Variants in NFATC1 observed in about 807,000 individuals in gnomAD.
The protein encoded by NFATC1 is nuclear factor of activated T cells 1.
Under a neutral mutation model 76.0 loss-of-function variants are expected in NFATC1, and 22 were observed. The ratio of observed to expected loss-of-function variants is 0.29; its 90% confidence interval spans 0.21 to 0.41. The LOEUF (loss-of-function observed/expected upper bound fraction) is 0.41. Among genes scored for constraint, NFATC1 ranks in the 10% least tolerant of loss-of-function variants. NFATC1 has a pLI of 1.00. For synonymous variants in NFATC1, 704 were observed against 613.1 expected (o/e 1.15, Z -2.19); for missense variants, 1,357 against 1,337.7 (o/e 1.01, Z -0.23).
chr18:79,477,502 G>T (rs2089121510), intron 8 of NFATC1, among the ~76,000 whole-genome samples: 1 of 152,224 alleles, frequency 6.6e-6, no homozygotes, highest in African/African-American at 2.4e-5. Flanking sequence ...GGCGGAAGAA[G>T]GGGGTCCGGG....
Position 79,433,533 on chromosome 18 carries a change from AG to A in NFATC1, c.1227-44del, listed in dbSNP as rs748514108. On this transcript the variant is annotated intron_variant, in intron 2 of 9. Coordinates refer to ENST00000427363, the MANE Select transcript of NFATC1 (RefSeq NM_001278669.2). ...AGCACGGGCACGTGTGGCCCGGGCG[AG>A]GTCTGTGTGGTGCTGAACGCCTCCT... 25 of 1,610,444 alleles carry A rather than the reference AG, an allele frequency of 1.6e-5. No individual in the cohort carries two copies. The East Asian group carries it at 5.4e-4, about 34-fold the overall frequency.
chr18:79,474,973 TAAACC>T (rs1488319519), intron 8 of NFATC1, among the ~76,000 whole-genome samples: 9 of 129,760 alleles, frequency 6.9e-5, no homozygotes, highest in African/African-American at 2.8e-4. Flanking sequence ...ACTGTCGACG[TAAACC>T]TGAGGGAAGC....
chr18:79,439,185 A>G (rs577163546), intron 3 of NFATC1, among the ~76,000 whole-genome samples: 1 of 152,274 alleles, frequency 6.6e-6, no homozygotes, highest in Non-Finnish European at 1.5e-5. Context: ...GGTTTGCCAC[A>G]CACAGGAGCT....
intron 2 of NFATC1, among the ~76,000 whole-genome samples, chr18:79,425,112 T>A (rs1380243955): frequency 6.6e-6 from 1 of 151,488 alleles, no homozygotes. Context: ...TCTCTGTCTC[T>A]GTCGCTCTGT....
chr18:79,423,750 C>A (rs965486372), intron 2 of NFATC1, among the ~76,000 whole-genome samples: 1 of 152,228 alleles, frequency 6.6e-6, no homozygotes, highest in Non-Finnish European at 1.5e-5. Flanking sequence ...TTCTCATCCA[C>A]CGATTCCATC....
intron 9 of NFATC1, among the ~76,000 whole-genome samples, chr18:79,510,565 T>C (rs72993920): frequency 0.011 from 1,742 of 152,352 alleles, 16 homozygotes; most frequent in Middle Eastern, 0.027. Flanking sequence ...GGGATGGGCC[T>C]GTCTCTCTTT....
rs76405668 is a variant in NFATC1 at position 79,505,570 on chromosome 18, T to C, written c.2782+18633T>C. 1.2e-3 allele frequency among the ~76,000 whole-genome samples: 100 copies of C among 82,752 alleles called. 1 individual carries two copies. Among genetic ancestry groups the C allele is most frequent in the East Asian group, 2.0e-3 (5 of 2,476 alleles). The allele number at this position is 82,752 out of a possible 152,430, so 54.3% of individuals were successfully genotyped here. A position where few individuals can be genotyped will look rare whatever the true frequency, so the allele number is the denominator to read the frequency against. On this transcript the variant is annotated intron_variant, in intron 9 of 9. Transcript: ENST00000427363. ...TGAGGGAAGAGGCAGGAGACTGCTGTGTGGGAGGAGGTGGTGGATGAGACC... is the reference window on the plus strand; with the variant it reads ...TGAGGGAAGAGGCAGGAGACTGCTGCGTGGGAGGAGGTGGTGGATGAGACC...
At chr18:79,523,088 C>A (rs1002129417) in intron 9 of NFATC1, among the ~76,000 whole-genome samples, 1 of 152,212 alleles carries the variant, frequency 6.6e-6, no homozygotes, top group Non-Finnish European at 1.5e-5. Context: ...ACTACAGTAC[C>A]TGCCTTTGCC....
chr18:79,402,022 G>C (rs1337893790), intron 1 of NFATC1, among the ~76,000 whole-genome samples: 1 of 152,246 alleles, frequency 6.6e-6, no homozygotes, highest in African/African-American at 2.4e-5. Flanking sequence ...CGGCCTCCCA[G>C]GCCTCCAGGG....
chr18:79,436,164 C>T (rs2086767357), intron 3 of NFATC1, among the ~76,000 whole-genome samples: 1 of 152,218 alleles, frequency 6.6e-6, no homozygotes, highest in African/African-American at 2.4e-5. Flanking sequence ...TCGGTGCCGT[C>T]GGGTTATTTT....
intron 3 of NFATC1, 80 bp from the exon 4 acceptor site, chr18:79,448,702 G>T (rs574296853): frequency 3.1e-5 from 44 of 1,441,612 alleles, no homozygotes; most frequent in Non-Finnish European, 4.0e-5. Context: ...CGAACCCGCC[G>T]CAGGTTTTCT....
At chr18:79,446,299 C>G (rs1421728512) in intron 3 of NFATC1, among the ~76,000 whole-genome samples, 4 of 152,182 alleles carry the variant, frequency 2.6e-5, no homozygotes, top group Non-Finnish European at 5.9e-5. Context: ...CAGCATTCCA[C>G]ACACCATCAG....
intron 9 of NFATC1, 155 bp from the exon 10 acceptor site, chr18:79,527,373 C>T (rs2090796226): frequency 1.6e-6 from 1 of 638,554 alleles, no homozygotes; most frequent in African/African-American, 1.8e-5. Context: ...TCACGACACT[C>T]ATGGACCAGG....
At chr18:79,485,270 A>G (rs1299719302) in intron 8 of NFATC1, among the ~76,000 whole-genome samples, 1 of 152,258 alleles carries the variant, frequency 6.6e-6, no homozygotes, top group African/African-American at 2.4e-5. Flanking sequence ...TCTGCGTAGC[A>G]TTCGCTCAGA....
At chr18:79,451,644 A>G (rs2087478701) in intron 5 of NFATC1, 32 bp from the exon 6 acceptor site, 1 of 1,545,068 alleles carries the variant, frequency 6.5e-7, no homozygotes, top group South Asian at 1.3e-5. Context: ...CACTCAGGAC[A>G]GGCCCTCACT....
At chr18:79,446,539 A>G (rs1404093367) in intron 3 of NFATC1, among the ~76,000 whole-genome samples, 1 of 152,154 alleles carries the variant, frequency 6.6e-6, no homozygotes, top group Admixed American at 6.5e-5. Context: ...TTCCCATCAT[A>G]AAGATGTTTG....
intron 5 of NFATC1, 78 bp from the exon 6 acceptor site, chr18:79,451,598 G>A: frequency 1.4e-6 from 2 of 1,407,474 alleles, no homozygotes; most frequent in Non-Finnish European, 1.9e-6. Context: ...GCTCACGTGT[G>A]ACCTGCTGGG....
At chr18:79,434,697 G>GT in intron 3 of NFATC1, among the ~76,000 whole-genome samples, 1 of 152,388 alleles carries the variant, frequency 6.6e-6, no homozygotes, top group East Asian at 1.9e-4. Flanking sequence ...CGGAAGGGGT[G>GT]TTCAGCAGAG....
intron 9 of NFATC1, among the ~76,000 whole-genome samples, chr18:79,522,520 G>A (rs1244670726): frequency 1.5e-5 from 2 of 130,784 alleles, no homozygotes; most frequent in African/African-American, 2.9e-5. Flanking sequence ...GGGGGGGTGC[G>A]TCCACTGATG....
Sources: gnomAD v4.1 joint callset for allele counts (sites outside exome capture counted in the v4.1 genomes callset) on GRCh38, gnomAD v4.1.1 for gene constraint, MANE v1.5 for transcripts, NCBI Gene and HGNC (gene_info 2026-07-23, HGNC 2026-07-21) for gene names.